The following NAALADL2 variants were observed in gnomAD, a reference collection of about 807,000 sequenced individuals.
NAALADL2 encodes the protein N-acetylated alpha-linked acidic dipeptidase like 2, also known as inactive N-acetylated-alpha-linked acidic dipeptidase-like protein 2.
A neutral mutation model predicts 87.2 loss-of-function variants in NAALADL2; 76 were observed. That is an observed-to-expected ratio of 0.87 (90% CI 0.72 to 1.05). NAALADL2 has a LOEUF of 1.05. Ranked by LOEUF, NAALADL2 falls within the 50% of genes least tolerant of loss-of-function variation. The probability of loss-of-function intolerance (pLI) is 0.00; values close to 1 mark genes in which losing one functional copy is unlikely to be tolerated. For missense variants in NAALADL2, 1,089 were observed against 945.8 expected (o/e 1.15, Z -1.99); for synonymous variants, 354 against 331.0 (o/e 1.07, Z -0.75).
chr3:174,714,350 A>G (rs1298273538), intron 2 of NAALADL2, among the ~76,000 whole-genome samples: 3 of 152,174 alleles, frequency 2.0e-5, no homozygotes, highest in Non-Finnish European at 2.9e-5. Flanking sequence ...AGTCGTTGGT[A>G]GCTTGATGGG....
At chr3:174,940,214 C>A (rs1738367110) in intron 1 of NAALADL2, among the ~76,000 whole-genome samples, 1 of 152,144 alleles carries the variant, frequency 6.6e-6, no homozygotes, top group Non-Finnish European at 1.5e-5. Context: ...GAGTTTATAA[C>A]ATGAAGGAGT....
At chr3:175,729,711 A>G (rs1032082641) in intron 11 of NAALADL2, among the ~76,000 whole-genome samples, 1 of 151,826 alleles carries the variant, frequency 6.6e-6, no homozygotes, top group Non-Finnish European at 1.5e-5. Context: ...GAGGGCTGCC[A>G]GATTCGCAAA....
intron 1 of NAALADL2, among the ~76,000 whole-genome samples, chr3:174,485,376 A>G (rs1486358521): frequency 6.6e-6 from 1 of 151,428 alleles, no homozygotes; most frequent in African/African-American, 2.4e-5. Flanking sequence ...GGTTTGTTTT[A>G]CAGATTATTT....
chr3:174,470,093 A>G (rs982285168), intron 1 of NAALADL2, among the ~76,000 whole-genome samples: 1 of 148,648 alleles, frequency 6.7e-6, no homozygotes, highest in Non-Finnish European at 1.5e-5. Context: ...TAACACTACT[A>G]TATATCCATA....
chr3:174,576,289 A>G (rs1715522412), intron 2 of NAALADL2, among the ~76,000 whole-genome samples: 1 of 152,198 alleles, frequency 6.6e-6, no homozygotes, highest in African/African-American at 2.4e-5. Context: ...ATAAATGTTA[A>G]GAAGGAAAAT....
chr3:175,688,957 G>A (rs1391545695), intron 11 of NAALADL2, among the ~76,000 whole-genome samples: 2 of 152,162 alleles, frequency 1.3e-5, no homozygotes, highest in African/African-American at 4.8e-5. Flanking sequence ...TCTGATGCAA[G>A]GTGTGCAGTT....
At chr3:175,477,941 G>A (rs536240139) in intron 9 of NAALADL2, among the ~76,000 whole-genome samples, 1 of 151,994 alleles carries the variant, frequency 6.6e-6, no homozygotes, top group Non-Finnish European at 1.5e-5. Context: ...GATCACAGAA[G>A]GTACAGTGCT....
chr3:175,677,483 G>GTT (rs912093981), intron 11 of NAALADL2, among the ~76,000 whole-genome samples: 2 of 137,244 alleles, frequency 1.5e-5, no homozygotes, highest in African/African-American at 5.9e-5. Context: ...AATGGGGTGT[G>GTT]TGTGTGTGTG....
intron 1 of NAALADL2, among the ~76,000 whole-genome samples, chr3:174,502,972 G>A (rs1052179376): frequency 2.6e-5 from 4 of 151,488 alleles, no homozygotes; most frequent in Non-Finnish European, 5.9e-5. Context: ...AGGTTGCAGT[G>A]AGCTGAGATC....
intron 5 of NAALADL2, among the ~76,000 whole-genome samples, chr3:175,359,653 C>T (rs1764763567): frequency 6.6e-6 from 1 of 151,916 alleles, no homozygotes; most frequent in Non-Finnish European, 1.5e-5. Flanking sequence ...TGAGTAGTAA[C>T]AATTACTTTT....
intron 5 of NAALADL2, among the ~76,000 whole-genome samples, chr3:175,383,986 T>C (rs9823905): frequency 0.56 from 85,625 of 151,852 alleles, 24,499 homozygotes; most frequent in African/African-American, 0.65. Context: ...TCTTGTTTCA[T>C]GCAACCCTGT....
At chr3:174,985,630 A>T in intron 1 of NAALADL2, among the ~76,000 whole-genome samples, 1 of 152,172 alleles carries the variant, frequency 6.6e-6, no homozygotes, top group East Asian at 1.9e-4. Context: ...ATTGGATGAG[A>T]TTTGAAACAA....
At chr3:174,903,386 G>C (rs938894316) in intron 1 of NAALADL2, among the ~76,000 whole-genome samples, 1 of 151,974 alleles carries the variant, frequency 6.6e-6, no homozygotes, top group Non-Finnish European at 1.5e-5. Context: ...TTATTAATTT[G>C]CTAGTGTTTT....
intron 4 of NAALADL2, among the ~76,000 whole-genome samples, chr3:175,301,877 A>G (rs574573423): frequency 6.6e-6 from 1 of 152,292 alleles, no homozygotes; most frequent in African/African-American, 2.4e-5. Flanking sequence ...AAAACACAAG[A>G]AAGATATGCA....
chr3:175,633,924 A>G (rs1229033321), intron 11 of NAALADL2, among the ~76,000 whole-genome samples: 1 of 151,748 alleles, frequency 6.6e-6, no homozygotes, highest in African/African-American at 2.4e-5. Flanking sequence ...ACAAAGAAAA[A>G]GTAGTAGGAA....
At chr3:175,187,819 T>G (rs537129040) in intron 2 of NAALADL2, among the ~76,000 whole-genome samples, 1 of 152,246 alleles carries the variant, frequency 6.6e-6, no homozygotes. Flanking sequence ...CTAAGTGCAA[T>G]GAAGTGACTA....
At chr3:174,928,901 A>T (rs1736469770) in intron 1 of NAALADL2, among the ~76,000 whole-genome samples, 1 of 152,212 alleles carries the variant, frequency 6.6e-6, no homozygotes, top group Middle Eastern at 3.2e-3. Flanking sequence ...TCACATGTAC[A>T]GTGGAAAATG....
intron 3 of NAALADL2, among the ~76,000 whole-genome samples, chr3:175,252,742 C>G (rs560023548): frequency 9.8e-5 from 15 of 152,294 alleles, no homozygotes; most frequent in African/African-American, 3.4e-4. Context: ...AATTAAAATG[C>G]TACTCTAGTG....
At chr3:175,021,546 G>A (rs1447504463) in intron 1 of NAALADL2, among the ~76,000 whole-genome samples, 1 of 151,950 alleles carries the variant, frequency 6.6e-6, no homozygotes, top group Non-Finnish European at 1.5e-5. Context: ...AAATGCAGTG[G>A]TCTCACCCTC....
Sources: gnomAD v4.1 joint callset for allele counts (sites outside exome capture counted in the v4.1 genomes callset) on GRCh38, gnomAD v4.1.1 for gene constraint, MANE v1.5 for transcripts, NCBI Gene and HGNC (gene_info 2026-07-23, HGNC 2026-07-21) for gene names.